Variants in SMAD6 observed in about 807,000 individuals in gnomAD.
SMAD6 encodes the protein MAD homolog 6.
SMAD6 carries 103 observed loss-of-function variants against 39.4 expected under a neutral mutation model. That is an observed-to-expected ratio of 2.62 (90% CI 2.23 to 3.08). The LOEUF (loss-of-function observed/expected upper bound fraction) is 3.08, where lower values mean the gene tolerates loss of function less well. Ranked by LOEUF, SMAD6 falls within the 30% of genes most tolerant of loss-of-function variation. The pLI is 0.00. For synonymous variants in SMAD6, 445 were observed against 353.3 expected, an observed-to-expected ratio of 1.26 and a Z score of -2.91; for missense variants, 1,104 against 742.9, an observed-to-expected ratio of 1.49 and a Z score of -5.65.
intron 1 of SMAD6, chr15:66,707,269 C>T (rs1025249478): frequency 6.8e-6 from 1 of 146,738 alleles, no homozygotes; most frequent in South Asian, 2.2e-4. Flanking sequence ...CTGCTCTTTG[C>T]TTCCCCACTT....
rs749303894 is a variant in SMAD6 at position 66,716,506 on chromosome 15, T to C, written c.952+8T>C. The C allele has an allele frequency of 6.2e-6, 10 of 1,602,052 alleles. No homozygotes were observed. The highest frequency in any genetic ancestry group is 8.6e-6 in the Non-Finnish European group (10 of 1,169,106). Reference sequence around the variant, plus strand: ...CTCCGGGTGAATTCTCAGGTCAGCATTTTTTCTTGTGCATTGCTGTTGTGT... The same window carrying C: ...CTCCGGGTGAATTCTCAGGTCAGCACTTTTTCTTGTGCATTGCTGTTGTGT... On this transcript the variant is annotated splice_region_variant and intron_variant, in intron 3 of 3. Coordinates refer to ENST00000288840, the MANE Select transcript of SMAD6 (RefSeq NM_005585.5).
intron 3 of SMAD6, among the ~76,000 whole-genome samples, chr15:66,773,251 T>C (rs1020989546): frequency 6.6e-6 from 1 of 152,034 alleles, no homozygotes. Flanking sequence ...AAGAGGAAAC[T>C]CCTGTCAGCT....
rs139861388 is a variant in SMAD6, at chr15:66,727,588, T to C, written c.952+11090T>C. Among the ~76,000 whole-genome samples the C allele has an allele frequency of 5.4e-3, 815 of 152,216 alleles. 8 individuals carry two copies. The highest frequency in any genetic ancestry group is 0.019 in the African/African-American group (782 of 41,548). ...TTGTTCTGGGAATGGGGAGTGATTC[T>C]GGCAGGGCAGTAAGGAATGAGCCCC... On this transcript the variant is annotated intron_variant, in intron 3 of 3. Coordinates refer to ENST00000288840, the MANE Select transcript of SMAD6 (RefSeq NM_005585.5).
chr15:66,756,506 G>A lies in SMAD6; in HGVS notation c.953-24491G>A, dbSNP rs140926074. 4.8e-3 allele frequency among the ~76,000 whole-genome samples: 727 copies of A among 152,236 alleles called. 13 individuals carry two copies. Among genetic ancestry groups the A allele is most frequent in the African/African-American group, 0.017 (692 of 41,540 alleles). ...TACCGTTTCTTTTCCTATTTTTAACGGTTTCAGGATTCTAGTTCAGCAGCT... is the reference window on the plus strand; with the variant it reads ...TACCGTTTCTTTTCCTATTTTTAACAGTTTCAGGATTCTAGTTCAGCAGCT... On this transcript the variant is annotated intron_variant, in intron 3 of 3. Transcript: ENST00000288840.
At chr15:66,731,068 A>G (rs1893618370) in intron 3 of SMAD6, among the ~76,000 whole-genome samples, 1 of 152,210 alleles carries the variant, frequency 6.6e-6, no homozygotes, top group African/African-American at 2.4e-5. Flanking sequence ...GTGGAAGTGT[A>G]TTATTATATG....
Position 66,781,504 on chromosome 15 carries a change from G to A in SMAD6, c.1460G>A (p.Trp487Ter), listed in dbSNP as rs1894576455. The A allele has an allele frequency of 1.3e-6, 2 of 1,568,652 alleles. No homozygotes were observed. The highest frequency in any genetic ancestry group is 1.4e-5 in the African/African-American group (1 of 72,938). ...CAGTTCATCACCTCCTGCCCCTGCT[G>A]GCTGGAGATCCTCCTCAACAACCCC... The part of the protein sequence containing the change: ...SRQFITSCPC[W>*]LEILLNNPR Residue 487 changes from tryptophan (W) to a stop codon, truncating the protein, a stop_gained, in exon 4 of 4, where the codon TGG becomes TAG. Coordinates refer to ENST00000288840, the MANE Select transcript of SMAD6 (RefSeq NM_005585.5). LOFTEE classifies it high-confidence loss of function.
chr15:66,718,701 A>G (rs1308353371), intron 3 of SMAD6, among the ~76,000 whole-genome samples: 1 of 152,114 alleles, frequency 6.6e-6, no homozygotes, highest in African/African-American at 2.4e-5. Flanking sequence ...TCTGTGCTGT[A>G]GGGATCTGAG....
chr15:66,740,271 T>C (rs1004034490), intron 3 of SMAD6, among the ~76,000 whole-genome samples: 7 of 152,246 alleles, frequency 4.6e-5, no homozygotes, highest in Non-Finnish European at 7.3e-5. Context: ...TTTGAGCTTC[T>C]GCAGCCCTGG....
At position 66,758,404 on chromosome 15, in the gene SMAD6, C is replaced by T. The variant is rs551671250; in HGVS notation, c.953-22593C>T. ...GTCCAAATACTCATAACAGTAAATA[C>T]GAATGTGTTAAAATAATCTATTAAA... On this transcript the variant is annotated intron_variant, in intron 3 of 3. Coordinates refer to ENST00000288840, the MANE Select transcript of SMAD6 (RefSeq NM_005585.5). 6.1e-4 allele frequency among the ~76,000 whole-genome samples: 93 copies of T among 152,156 alleles called. 2 individuals carry two copies. In the South Asian group the frequency reaches 0.017, roughly 28 times the overall value.
rs1011100877 is a variant in SMAD6, at chr15:66,702,845, C to T, written c.-414C>T. ...AAGGCAAGGTAAAGGCAGGGCTTTCCAGACACATTTAGGGGTTCGCGCGAG... is the reference window on the plus strand; with the variant it reads ...AAGGCAAGGTAAAGGCAGGGCTTTCTAGACACATTTAGGGGTTCGCGCGAG... On this transcript the variant is annotated 5_prime_UTR_variant, in exon 1 of 4. Coordinates refer to ENST00000288840, the MANE Select transcript of SMAD6 (RefSeq NM_005585.5). The T allele has an allele frequency of 5.8e-6, 1 of 171,082 alleles. No individual in the cohort carries two copies. The highest frequency in any genetic ancestry group is 1.2e-5 in the Non-Finnish European group (1 of 81,090). 10.6% of individuals were successfully genotyped at this position (171,082 alleles called of 1,614,324 possible).
intron 3 of SMAD6, among the ~76,000 whole-genome samples, chr15:66,737,935 T>C (rs1265059156): frequency 6.6e-6 from 1 of 152,090 alleles, no homozygotes; most frequent in Non-Finnish European, 1.5e-5. Context: ...GTGAGGACCC[T>C]GGTTAGGAGA....
chr15:66,715,752 C>T (rs1167057996), intron 2 of SMAD6, among the ~76,000 whole-genome samples: 1 of 137,034 alleles, frequency 7.3e-6, no homozygotes, highest in Non-Finnish European at 1.5e-5. Flanking sequence ...ATATGAAGTA[C>T]TTAAAACTAC....
chr15:66,748,552 C>G (rs545324490), intron 3 of SMAD6, among the ~76,000 whole-genome samples: 1 of 152,282 alleles, frequency 6.6e-6, no homozygotes, highest in East Asian at 1.9e-4. Context: ...ACAAACGTTT[C>G]AGTGATTTAG....
intron 3 of SMAD6, 129 bp downstream of exon 3, chr15:66,716,627 G>A: frequency 1.3e-6 from 1 of 747,736 alleles, no homozygotes; most frequent in Admixed American, 2.1e-5. Context: ...CCAATCCTTG[G>A]ATGGGAAGGT....
chr15:66,782,206 A>G lies in SMAD6; in HGVS notation c.*671A>G, dbSNP rs1044109898. ...TCCTGCCCATGGCTATGGGGTGTCCAGTGGATAGGGATGGCGGTGGGGAAA... is the reference window on the plus strand; with the variant it reads ...TCCTGCCCATGGCTATGGGGTGTCCGGTGGATAGGGATGGCGGTGGGGAAA... On this transcript the variant is annotated 3_prime_UTR_variant, in exon 4 of 4. Transcript: ENST00000288840. 2 of 302,296 alleles carry G rather than the reference A, an allele frequency of 6.6e-6. No individual in the cohort carries two copies. The highest frequency in any genetic ancestry group is 2.6e-5 in the African/African-American group (1 of 39,132). The allele number at this position is 302,296 out of a possible 1,614,324, so 18.7% of individuals were successfully genotyped here.
At chr15:66,726,408 C>T (rs1893522311) in intron 3 of SMAD6, among the ~76,000 whole-genome samples, 1 of 152,204 alleles carries the variant, frequency 6.6e-6, no homozygotes, top group African/African-American at 2.4e-5. Context: ...CTGGGATTGT[C>T]TGTCTCAGGC....
At chr15:66,723,963 G>A (rs1234695189) in intron 3 of SMAD6, among the ~76,000 whole-genome samples, 1 of 152,206 alleles carries the variant, frequency 6.6e-6, no homozygotes, top group East Asian at 1.9e-4. Flanking sequence ...TCTGAGTTGG[G>A]TTTTGTAGGA....
At chr15:66,706,815 C>G (rs766567813) in intron 1 of SMAD6, 2 of 152,334 alleles carry the variant, frequency 1.3e-5, no homozygotes, top group African/African-American at 4.8e-5. Flanking sequence ...AGTGTGGACC[C>G]CTGCTGTTCA....
At chr15:66,715,625 T>G (rs532973467) in intron 2 of SMAD6, among the ~76,000 whole-genome samples, 2 of 152,224 alleles carry the variant, frequency 1.3e-5, no homozygotes, top group Non-Finnish European at 2.9e-5. Context: ...CAAGTCGGCC[T>G]GTCCCAAAAG....
Sources: allele counts gnomAD v4.1 joint callset (sites outside exome capture counted in the v4.1 genomes callset), GRCh38; gene constraint gnomAD v4.1.1; transcripts MANE v1.5; gene names NCBI Gene and HGNC (gene_info 2026-07-23, HGNC 2026-07-21).